Variants in GLIS3 observed in about 807,000 individuals in gnomAD.
GLIS3 encodes the protein zinc finger protein GLIS3.
In GLIS3, 53 loss-of-function variants were observed where a neutral mutation model predicts 78.6. That is an observed-to-expected ratio of 0.67 (90% confidence interval 0.54 to 0.85). GLIS3 has a LOEUF of 0.85. Among genes scored for constraint, GLIS3 ranks in the 40% least tolerant of loss-of-function variants. GLIS3 has a pLI of 0.00. For missense variants in GLIS3, 1,703 were observed against 1,231.1 expected (o/e 1.38, Z -5.74); for synonymous variants, 684 against 509.9 (o/e 1.34, Z -4.60).
chr9:4,286,802 C>T (rs1204788227), intron 1 of GLIS3, among the ~76,000 whole-genome samples: 1 of 152,156 alleles, frequency 6.6e-6, no homozygotes, highest in Non-Finnish European at 1.5e-5. Context: ...TCTACTGGTG[C>T]CAGCTTGCAA....
intron 2 of GLIS3, among the ~76,000 whole-genome samples, chr9:4,248,304 G>A (rs747063407): frequency 1.3e-5 from 2 of 151,650 alleles, no homozygotes; most frequent in Admixed American, 6.6e-5. Flanking sequence ...TGTTCTCATT[G>A]TTCAACTCCC....
At chr9:4,268,818 T>C (rs1199866296) in intron 2 of GLIS3, among the ~76,000 whole-genome samples, 1 of 152,178 alleles carries the variant, frequency 6.6e-6, no homozygotes, top group African/African-American at 2.4e-5. Context: ...TCCTCAGCTC[T>C]GGGTCCCAGC....
intron 2 of GLIS3, among the ~76,000 whole-genome samples, chr9:4,214,307 T>C (rs1352558835): frequency 2.0e-5 from 3 of 152,324 alleles, no homozygotes; most frequent in Admixed American, 2.0e-4. Context: ...TATCAATGTG[T>C]CAAACGGTTG....
chr9:4,343,912 C>T (rs913371591), intron 2 of GLIS3, among the ~76,000 whole-genome samples: 1 of 151,958 alleles, frequency 6.6e-6, no homozygotes, highest in African/African-American at 2.4e-5. Context: ...AAGGGGCCTA[C>T]CTGAGAGTGG....
At chr9:4,428,483 C>CA in the GLIS3 span, among the ~76,000 whole-genome samples, 6,444 of 45,304 alleles carry the variant, frequency 0.14, 528 homozygotes, top group Middle Eastern at 0.21. Context: ...GACTCTGTCT[C>CA]AAAAAAAAAA....
chr9:3,970,926 T>TA (rs1430908860), intron 4 of GLIS3, among the ~76,000 whole-genome samples: 1 of 140,892 alleles, frequency 7.1e-6, no homozygotes, highest in Non-Finnish European at 1.6e-5. Flanking sequence ...TGAGGGGAAA[T>TA]AAAAAAAGGA....
chr9:4,005,711 G>T lies in GLIS3; in HGVS notation c.1711-68522C>A, dbSNP rs76668912. Among the ~76,000 whole-genome samples, 565 of 152,270 alleles carry T rather than the reference G, an allele frequency of 3.7e-3. 1 individual carries two copies. Among genetic ancestry groups the T allele is most frequent in the African/African-American group, 0.013 (542 of 41,564 alleles). On this transcript the variant is annotated intron_variant, in intron 4 of 10. Transcript: ENST00000381971. The stretch of plus-strand genomic sequence containing the variant: ...AATATCAAACATTGTAATAGCAAAA[G>T]AATCTGAAAATAACCTAAACATCTG...
intron 2 of GLIS3, among the ~76,000 whole-genome samples, chr9:4,256,036 ATT>A (rs201913239): frequency 6.6e-6 from 1 of 150,756 alleles, no homozygotes; most frequent in Non-Finnish European, 1.5e-5. Context: ...AACTAAGTCT[ATT>A]TTTTTTTTAA....
the GLIS3 span, among the ~76,000 whole-genome samples, chr9:4,423,284 G>A: frequency 2.0e-5 from 3 of 152,140 alleles, no homozygotes; most frequent in Non-Finnish European, 2.9e-5. Context: ...TCAGGGAGCT[G>A]AAGCTGAAAC....
chr9:4,152,017 T>A (rs1586819645), intron 2 of GLIS3: 1 of 261,642 alleles, frequency 3.8e-6, no homozygotes, highest in Non-Finnish European at 5.9e-6. Flanking sequence ...TTTGCACAGG[T>A]CTTGTATGAA....
chr9:4,203,930 G>C (rs1241167532), intron 2 of GLIS3, among the ~76,000 whole-genome samples: 2 of 152,142 alleles, frequency 1.3e-5, no homozygotes, highest in Admixed American at 6.5e-5. Flanking sequence ...CATTAAGATG[G>C]CTACAATAGA....
chr9:4,024,968 GC>G (rs1476016097), intron 4 of GLIS3, among the ~76,000 whole-genome samples: 18 of 152,144 alleles, frequency 1.2e-4, no homozygotes, highest in Admixed American at 5.9e-4. Flanking sequence ...CATACTCAAG[GC>G]TAGGCACGGT....
chr9:4,205,118 G>A (rs1013339246), intron 2 of GLIS3, among the ~76,000 whole-genome samples: 5 of 149,776 alleles, frequency 3.3e-5, no homozygotes, highest in African/African-American at 4.9e-5. Flanking sequence ...GCAGAATGCA[G>A]TGAGCTGAGA....
intron 4 of GLIS3, among the ~76,000 whole-genome samples, chr9:4,060,545 G>A (rs1826560528): frequency 1.3e-5 from 2 of 152,248 alleles, no homozygotes; most frequent in Non-Finnish European, 1.5e-5. Flanking sequence ...ATGGGTTAAT[G>A]TATTAATGGG....
At chr9:4,369,672 A>G in the GLIS3 span, among the ~76,000 whole-genome samples, 4 of 152,302 alleles carry the variant, frequency 2.6e-5, no homozygotes, top group African/African-American at 4.8e-5. Context: ...GGATTATGAT[A>G]TAACAATGGC....
At position 3,947,615 on chromosome 9, in the gene GLIS3, T is replaced by C. The variant is rs368617568; in HGVS notation, c.1711-10426A>G. 5.3e-5 allele frequency among the ~76,000 whole-genome samples: 8 copies of C among 152,304 alleles called. 1 individual carries two copies. Among genetic ancestry groups the C allele is most frequent in the Admixed American group, 1.3e-4 (2 of 15,302 alleles). ...AATTTGCCAAGAGAGAAAAGGAAAT[T>C]CACACACGAAGAGAATAATTTACCA... On this transcript the variant is annotated intron_variant, in intron 4 of 10. Transcript: ENST00000381971.
intron 4 of GLIS3, among the ~76,000 whole-genome samples, chr9:4,019,762 T>G (rs1181241141): frequency 6.6e-6 from 1 of 152,140 alleles, no homozygotes; most frequent in African/African-American, 2.4e-5. Context: ...AGACAGTGTC[T>G]CACTCTGTTG....
chr9:4,251,443 T>G (rs1824375743), intron 2 of GLIS3, among the ~76,000 whole-genome samples: 1 of 151,692 alleles, frequency 6.6e-6, no homozygotes, highest in South Asian at 2.1e-4. Flanking sequence ...TTTTTTTTTT[T>G]TTGCTTTCCA....
At chr9:4,375,559 C>CA in the GLIS3 span, among the ~76,000 whole-genome samples, 1 of 152,066 alleles carries the variant, frequency 6.6e-6, no homozygotes, top group Non-Finnish European at 1.5e-5. Flanking sequence ...TTGTGGCTAA[C>CA]AAAAGATAAT....
Sources: allele counts gnomAD v4.1 joint callset (sites outside exome capture counted in the v4.1 genomes callset), GRCh38; gene constraint gnomAD v4.1.1; transcripts MANE v1.5; gene names NCBI Gene and HGNC (gene_info 2026-07-23, HGNC 2026-07-21).